The following TBC1D5 variants were observed in gnomAD, a reference collection of about 807,000 sequenced individuals.
The protein encoded by TBC1D5 is TBC1 domain family member 5.
TBC1D5 carries 75 observed loss-of-function variants against 100.3 expected under a neutral mutation model. That is an observed-to-expected ratio of 0.75 (90% CI 0.62 to 0.91). The LOEUF is 0.91. TBC1D5 is among the 40% of genes least tolerant of loss of function. The probability of loss-of-function intolerance (pLI) is 0.00; values close to 1 mark genes in which losing one functional copy is unlikely to be tolerated. For missense variants in TBC1D5, 910 were observed against 942.4 expected, an observed-to-expected ratio of 0.97 and a Z score of 0.45; for synonymous variants, 323 against 325.6, an observed-to-expected ratio of 0.99 and a Z score of 0.09.
intron 3 of TBC1D5, among the ~76,000 whole-genome samples, chr3:17,431,057 A>C (rs568208650): frequency 6.6e-6 from 1 of 152,110 alleles, no homozygotes; most frequent in Non-Finnish European, 1.5e-5. Flanking sequence ...TTTGGAGGTA[A>C]GTATAATAAA....
chr3:17,479,861 G>A (rs986744560), intron 3 of TBC1D5, among the ~76,000 whole-genome samples: 1 of 152,142 alleles, frequency 6.6e-6, no homozygotes, highest in African/African-American at 2.4e-5. Context: ...CGGGAGCGAG[G>A]GACAGGCAGG....
chr3:17,219,059 T>C (rs1480526321), intron 17 of TBC1D5, among the ~76,000 whole-genome samples: 3 of 151,716 alleles, frequency 2.0e-5, no homozygotes, highest in Non-Finnish European at 4.4e-5. Flanking sequence ...TGCTTCATGG[T>C]GTTCTGCAGG....
chr3:17,429,688 T>C (rs2094412704), intron 3 of TBC1D5, among the ~76,000 whole-genome samples: 1 of 151,950 alleles, frequency 6.6e-6, no homozygotes, highest in Non-Finnish European at 1.5e-5. Context: ...ACTATACTTA[T>C]ATAATTATGC....
At chr3:17,292,409 T>G (rs1351327199) in intron 14 of TBC1D5, among the ~76,000 whole-genome samples, 4 of 122,752 alleles carry the variant, frequency 3.3e-5, no homozygotes, top group African/African-American at 6.3e-5. Flanking sequence ...AAATAATATT[T>G]ACCTTATTAT....
chr3:17,647,645 TAGG>T, intron 1 of TBC1D5, among the ~76,000 whole-genome samples: 1 of 152,026 alleles, frequency 6.6e-6, no homozygotes, highest in Non-Finnish European at 1.5e-5. Context: ...GTGACTGCAG[TAGG>T]GGGAAGGAGC....
At chr3:17,529,416 A>AT (rs752715845) in intron 2 of TBC1D5, among the ~76,000 whole-genome samples, 65 of 152,126 alleles carry the variant, frequency 4.3e-4, no homozygotes, top group Non-Finnish European at 7.5e-4. Flanking sequence ...CCACCACTAG[A>AT]TTAGTTCTCT....
intron 2 of TBC1D5, among the ~76,000 whole-genome samples, chr3:17,536,674 G>C (rs568892654): frequency 1.2e-4 from 19 of 152,172 alleles, no homozygotes; most frequent in Non-Finnish European, 2.5e-4. Flanking sequence ...TTGGTTTTAT[G>C]CATGTTAGGG....
chr3:17,700,630 C>T (rs1175569462), intron 1 of TBC1D5, among the ~76,000 whole-genome samples: 1 of 151,930 alleles, frequency 6.6e-6, no homozygotes, highest in African/African-American at 2.4e-5. Context: ...AACAAATTTA[C>T]AAGAAAAAAA....
intron 2 of TBC1D5, among the ~76,000 whole-genome samples, chr3:17,600,776 A>G (rs1485270435): frequency 6.6e-6 from 1 of 152,092 alleles, no homozygotes; most frequent in African/African-American, 2.4e-5. Flanking sequence ...ACTCTCCAAG[A>G]GCAGAAGCCA....
intron 1 of TBC1D5, among the ~76,000 whole-genome samples, chr3:17,665,766 A>T (rs1004386562): frequency 2.6e-5 from 4 of 152,176 alleles, no homozygotes; most frequent in African/African-American, 9.7e-5. Context: ...CCAATCACCT[A>T]AACAATCCAA....
At chr3:17,391,865 G>C (rs2093361000) in intron 8 of TBC1D5, among the ~76,000 whole-genome samples, 1 of 152,116 alleles carries the variant, frequency 6.6e-6, no homozygotes, top group African/African-American at 2.4e-5. Context: ...TAGCTAAGGA[G>C]ATATCCAGGC....
At chr3:17,636,439 A>C (rs1268666880) in intron 1 of TBC1D5, among the ~76,000 whole-genome samples, 1 of 152,114 alleles carries the variant, frequency 6.6e-6, no homozygotes, top group African/African-American at 2.4e-5. Context: ...TGCCTTTCTG[A>C]GTAATAAGAG....
At chr3:17,167,002 G>A in intron 20 of TBC1D5, 74 bp from the exon 22 acceptor site, 1 of 1,392,614 alleles carries the variant, frequency 7.2e-7, no homozygotes, top group Non-Finnish European at 9.6e-7. Flanking sequence ...AAATCTCTCA[G>A]ACATTTGAAC....
intron 1 of TBC1D5, among the ~76,000 whole-genome samples, chr3:17,733,065 T>C (rs73817335): frequency 0.016 from 2,466 of 152,200 alleles, 59 homozygotes; most frequent in African/African-American, 0.055. Flanking sequence ...ACAAGGTATA[T>C]CTAGAAAATA....
intron 1 of TBC1D5, among the ~76,000 whole-genome samples, chr3:17,683,076 G>A (rs112287400): frequency 0.012 from 1,820 of 151,510 alleles, 120 homozygotes; most frequent in African/African-American, 0.042. Flanking sequence ...AGGTTCCCCA[G>A]AATATTTTAA....
intron 3 of TBC1D5, among the ~76,000 whole-genome samples, chr3:17,481,229 C>A (rs1463539883): frequency 6.6e-6 from 1 of 152,246 alleles, no homozygotes; most frequent in Non-Finnish European, 1.5e-5. Context: ...GGGCTGCCCG[C>A]CCCACCGAAG....
At chr3:17,355,112 T>G (rs2091087996) in intron 13 of TBC1D5, among the ~76,000 whole-genome samples, 1 of 152,140 alleles carries the variant, frequency 6.6e-6, no homozygotes, top group African/African-American at 2.4e-5. Context: ...TTTCGTTGTT[T>G]TCTTATAATA....
At chr3:17,570,074 G>A (rs999138241) in intron 2 of TBC1D5, among the ~76,000 whole-genome samples, 1 of 151,936 alleles carries the variant, frequency 6.6e-6, no homozygotes, top group African/African-American at 2.4e-5. Flanking sequence ...TCCATCAGTA[G>A]AGCTCAAGCT....
At chr3:17,343,953 T>G (rs538291241) in intron 13 of TBC1D5, among the ~76,000 whole-genome samples, 2,545 of 152,132 alleles carry the variant, frequency 0.017, 58 homozygotes, top group Non-Finnish European at 0.021. Flanking sequence ...AGGGTTTTTT[T>G]TGTCTCTATT....
Sources: gnomAD v4.1 joint callset for allele counts (sites outside exome capture counted in the v4.1 genomes callset) on GRCh38, gnomAD v4.1.1 for gene constraint, MANE v1.5 for transcripts, NCBI Gene and HGNC (gene_info 2026-07-23, HGNC 2026-07-21) for gene names.